CNBD1: variants seen among roughly 807,000 people sequenced by gnomAD.
CNBD1 encodes cyclic nucleotide binding domain containing 1.
In CNBD1, 71 loss-of-function variants were observed where a neutral mutation model predicts 54.4. The ratio of observed to expected loss-of-function variants is 1.30; its 90% confidence interval spans 1.08 to 1.59. The LOEUF (loss-of-function observed/expected upper bound fraction) is 1.59. Among genes scored for constraint, CNBD1 ranks in the 40% most tolerant of loss-of-function variants. The pLI is 0.00. For missense variants in CNBD1, 659 were observed against 518.0 expected, an observed-to-expected ratio of 1.27 and a Z score of -2.64; for synonymous variants, 182 against 170.7, an observed-to-expected ratio of 1.07 and a Z score of -0.51.
At chr8:87,018,364 GCTATAATATT>G (rs752993747) in intron 4 of CNBD1, among the ~76,000 whole-genome samples, 3 of 152,060 alleles carry the variant, frequency 2.0e-5, no homozygotes, top group Non-Finnish European at 4.4e-5. Flanking sequence ...AATTGACCTT[GCTATAATATT>G]CTCTTTAATA....
intron 4 of CNBD1, among the ~76,000 whole-genome samples, chr8:87,137,987 A>G (rs1812293500): frequency 6.6e-6 from 1 of 152,112 alleles, no homozygotes; most frequent in South Asian, 2.1e-4. Flanking sequence ...CATAATCTTT[A>G]TTATATTTCA....
chr8:87,226,739 G>C (rs555039306), intron 5 of CNBD1, among the ~76,000 whole-genome samples: 1,542 of 152,082 alleles, frequency 0.01, 25 homozygotes, highest in African/African-American at 0.035. Flanking sequence ...GGAGAGTTCT[G>C]TAGATGTCTA....
At chr8:87,004,834 C>T (rs10096689) in intron 4 of CNBD1, among the ~76,000 whole-genome samples, 169 of 152,240 alleles carry the variant, frequency 1.1e-3, no homozygotes, top group African/African-American at 3.9e-3. Context: ...TCATACCACT[C>T]TCAAGACTGA....
intron 3 of CNBD1, among the ~76,000 whole-genome samples, chr8:86,928,392 A>G (rs1809400583): frequency 6.6e-6 from 1 of 152,040 alleles, no homozygotes; most frequent in Non-Finnish European, 1.5e-5. Flanking sequence ...TGAGTATTTC[A>G]TTTACCTCCT....
At chr8:87,184,426 A>G (rs1813430839) in intron 4 of CNBD1, among the ~76,000 whole-genome samples, 1 of 152,116 alleles carries the variant, frequency 6.6e-6, no homozygotes, top group Non-Finnish European at 1.5e-5. Context: ...GAGGAGGAGT[A>G]TGGCAAGCCT....
At chr8:86,927,605 A>G (rs996437819) in intron 3 of CNBD1, among the ~76,000 whole-genome samples, 2 of 152,156 alleles carry the variant, frequency 1.3e-5, no homozygotes, top group African/African-American at 4.8e-5. Flanking sequence ...AAGTTAAGAC[A>G]GTAAACATGG....
chr8:87,066,391 C>G (rs540510765), intron 4 of CNBD1, among the ~76,000 whole-genome samples: 1 of 152,082 alleles, frequency 6.6e-6, no homozygotes, highest in East Asian at 1.9e-4. Flanking sequence ...CCAGGACATC[C>G]TCTCCTCTAC....
intron 5 of CNBD1, among the ~76,000 whole-genome samples, chr8:87,211,543 C>T (rs1814098559): frequency 6.6e-6 from 1 of 152,128 alleles, no homozygotes; most frequent in Admixed American, 6.5e-5. Context: ...TCCCTTGTGA[C>T]TTGGTACTGT....
chr8:87,343,931 C>A (rs1378378911), intron 8 of CNBD1, among the ~76,000 whole-genome samples: 1 of 151,812 alleles, frequency 6.6e-6, no homozygotes, highest in African/African-American at 2.4e-5. Flanking sequence ...ATAAATATAT[C>A]ATACTTGATA....
chr8:87,157,357 A>T (rs972217964), intron 4 of CNBD1, among the ~76,000 whole-genome samples: 1 of 152,234 alleles, frequency 6.6e-6, no homozygotes, highest in Non-Finnish European at 1.5e-5. Context: ...GGAAACAAGG[A>T]AGAGAAATCT....
chr8:87,078,545 T>G (rs1015699642), intron 4 of CNBD1, among the ~76,000 whole-genome samples: 4 of 152,228 alleles, frequency 2.6e-5, no homozygotes, highest in African/African-American at 9.6e-5. Flanking sequence ...TTGAGGGGAA[T>G]CATTGCATTT....
chr8:87,015,239 G>A (rs529921481), intron 4 of CNBD1, among the ~76,000 whole-genome samples: 1 of 152,278 alleles, frequency 6.6e-6, no homozygotes, highest in Admixed American at 6.5e-5. Context: ...CTGGAGTGCA[G>A]TGGCACGATC....
chr8:87,426,325 G>A (rs547745121), intron 2 of CNBD1, among the ~76,000 whole-genome samples: 3 of 152,244 alleles, frequency 2.0e-5, no homozygotes, highest in East Asian at 1.9e-4. Flanking sequence ...GTTCCTATTC[G>A]GCCATCTTGG....
At chr8:87,001,994 C>T (rs961354122) in intron 4 of CNBD1, among the ~76,000 whole-genome samples, 4 of 151,916 alleles carry the variant, frequency 2.6e-5, no homozygotes, top group Non-Finnish European at 5.9e-5. Flanking sequence ...TTGTTGATAC[C>T]ACTCTTGGAG....
At chr8:86,975,912 T>G (rs903433656) in intron 4 of CNBD1, among the ~76,000 whole-genome samples, 6 of 152,072 alleles carry the variant, frequency 3.9e-5, no homozygotes, top group African/African-American at 1.4e-4. Context: ...TTCTTTTTGA[T>G]AATAACCATT....
At chr8:87,095,238 A>T (rs1378257867) in intron 4 of CNBD1, among the ~76,000 whole-genome samples, 1 of 152,214 alleles carries the variant, frequency 6.6e-6, no homozygotes, top group Non-Finnish European at 1.5e-5. Context: ...AGGAATGAGA[A>T]TTTTTATTCT....
In CNBD1 at chr8:86,940,132, C is replaced by CTTTTTTTTTTTTTTTTTTT. The variant is rs10671983; in HGVS notation, c.431+379_431+397dup. 4.6e-4 allele frequency among the ~76,000 whole-genome samples: 41 copies of CTTTTTTTTTTTTTTTTTTT among 88,730 alleles called. 4 individuals are homozygous for CTTTTTTTTTTTTTTTTTTT. The highest frequency in any genetic ancestry group is 2.7e-3 in the East Asian group (7 of 2,602). 58.2% of individuals were successfully genotyped at this position (88,730 alleles called of 152,430 possible). On this transcript the variant is annotated intron_variant, in intron 4 of 10. Coordinates refer to ENST00000518476, the MANE Select transcript of CNBD1 (RefSeq NM_173538.3). Reference sequence around the variant, plus strand: ...CTTTAAATAAACTTACCACATGTTACTTTTTTTTTTTTTTTTTTTGAGACT... The same window carrying CTTTTTTTTTTTTTTTTTTT: ...CTTTAAATAAACTTACCACATGTTACTTTTTTTTTTTTTTTTTTTTTTTTTTTTTTTTTTTTTTGAGACT...
At chr8:87,327,396 C>T (rs1192722947) in intron 8 of CNBD1, among the ~76,000 whole-genome samples, 1 of 151,896 alleles carries the variant, frequency 6.6e-6, no homozygotes. Flanking sequence ...GGCGCCCCTC[C>T]CCCACCCTCG....
chr8:87,369,653 C>G (rs1297059185), intron 10 of CNBD1, among the ~76,000 whole-genome samples: 1 of 151,964 alleles, frequency 6.6e-6, no homozygotes, highest in Non-Finnish European at 1.5e-5. Context: ...TCTATAGTTT[C>G]CAATGAGAAG....
Sources: gnomAD v4.1 joint callset for allele counts (sites outside exome capture counted in the v4.1 genomes callset) on GRCh38, gnomAD v4.1.1 for gene constraint, MANE v1.5 for transcripts, NCBI Gene and HGNC (gene_info 2026-07-23, HGNC 2026-07-21) for gene names.